The following PRDM16 variants were observed in gnomAD, a reference collection of about 807,000 sequenced individuals.
The protein encoded by PRDM16 is histone-lysine N-methyltransferase PRDM16.
A neutral mutation model predicts 110.6 loss-of-function variants in PRDM16; 23 were observed. That is an observed-to-expected ratio of 0.21 (90% confidence interval 0.15 to 0.29). The LOEUF (loss-of-function observed/expected upper bound fraction) is 0.29, where lower values mean the gene tolerates loss of function less well. Ranked by LOEUF, PRDM16 falls within the 10% of genes least tolerant of loss-of-function variation. The pLI, the probability that PRDM16 is intolerant of heterozygous loss-of-function variation, is 1.00. For missense variants in PRDM16, 1,615 were observed against 1,794.3 expected (o/e 0.90, Z 1.81); for synonymous variants, 799 against 781.8 (o/e 1.02, Z -0.37).
At chr1:3,087,778 T>A (rs1267279414) in intron 1 of PRDM16, among the ~76,000 whole-genome samples, 2 of 152,096 alleles carry the variant, frequency 1.3e-5, no homozygotes, top group Non-Finnish European at 2.9e-5. Context: ...TGTTTCCATT[T>A]TTACTCTTCT....
chr1:3,368,655 C>T (rs1465709987), intron 3 of PRDM16, among the ~76,000 whole-genome samples: 4 of 152,158 alleles, frequency 2.6e-5, no homozygotes, highest in Non-Finnish European at 5.9e-5. Context: ...GGGACCCACC[C>T]GTAAACCGTG....
At chr1:3,251,063 C>T (rs1639918432) in intron 3 of PRDM16, among the ~76,000 whole-genome samples, 1 of 152,216 alleles carries the variant, frequency 6.6e-6, no homozygotes, top group African/African-American at 2.4e-5. Flanking sequence ...GGAGACGAAA[C>T]ATCACAAATT....
chr1:3,199,080 C>T (rs566768974), intron 2 of PRDM16, among the ~76,000 whole-genome samples: 14 of 152,278 alleles, frequency 9.2e-5, no homozygotes, highest in Admixed American at 7.8e-4. Context: ...TATCAGCCTT[C>T]GTTTCAGCCC....
chr1:3,100,612 A>C (rs1642508810), intron 1 of PRDM16, among the ~76,000 whole-genome samples: 1 of 152,132 alleles, frequency 6.6e-6, no homozygotes, highest in African/African-American at 2.4e-5. Context: ...AAGCACCCCC[A>C]GTTCCCGAGG....
At chr1:3,354,091 C>T (rs1341791156) in intron 3 of PRDM16, among the ~76,000 whole-genome samples, 2 of 152,170 alleles carry the variant, frequency 1.3e-5, no homozygotes, top group Non-Finnish European at 2.9e-5. Context: ...AAACCTTAAG[C>T]GATTACAAAT....
chr1:3,285,848 AG>A (rs1640832913), intron 3 of PRDM16, among the ~76,000 whole-genome samples: 1 of 152,218 alleles, frequency 6.6e-6, no homozygotes, highest in Non-Finnish European at 1.5e-5. Context: ...CTCAGACCCC[AG>A]GGTAGGTGGA....
intron 12 of PRDM16, among the ~76,000 whole-genome samples, chr1:3,424,574 T>G (rs1638538330): frequency 6.6e-6 from 1 of 152,192 alleles, no homozygotes; most frequent in Non-Finnish European, 1.5e-5. Context: ...CTGCCCACCC[T>G]GGGGGAATAA....
At chr1:3,114,598 A>G (rs1340538869) in intron 1 of PRDM16, among the ~76,000 whole-genome samples, 1 of 152,030 alleles carries the variant, frequency 6.6e-6, no homozygotes, top group East Asian at 1.9e-4. Context: ...ACACACGTGC[A>G]CATGCACACA....
At chr1:3,126,541 G>A (rs1643212965) in intron 1 of PRDM16, among the ~76,000 whole-genome samples, 1 of 152,192 alleles carries the variant, frequency 6.6e-6, no homozygotes. Context: ...GGAATCCCTA[G>A]ATGAGCTTTG....
At chr1:3,394,462 AC>A in intron 4 of PRDM16, 1 of 321,010 alleles carries the variant, frequency 3.1e-6, no homozygotes, top group South Asian at 2.0e-5. Flanking sequence ...TCACGTCAGG[AC>A]CCTCGACGGG....
At chr1:3,104,399 C>T (rs1052291054) in intron 1 of PRDM16, among the ~76,000 whole-genome samples, 1 of 152,216 alleles carries the variant, frequency 6.6e-6, no homozygotes, top group Non-Finnish European at 1.5e-5. Flanking sequence ...TGCACAGGGC[C>T]TTGCTGTTCT....
intron 1 of PRDM16, among the ~76,000 whole-genome samples, chr1:3,091,605 G>C (rs1414907499): frequency 1.3e-5 from 2 of 152,204 alleles, no homozygotes; most frequent in Non-Finnish European, 2.9e-5. Flanking sequence ...TGCTGCGGAG[G>C]GCACCTCTGC....
chr1:3,145,715 G>A (rs1236686137), intron 1 of PRDM16, among the ~76,000 whole-genome samples: 1 of 152,208 alleles, frequency 6.6e-6, no homozygotes, highest in African/African-American at 2.4e-5. Flanking sequence ...TTCCACCCCT[G>A]TAGAAAGCGC....
intron 1 of PRDM16, among the ~76,000 whole-genome samples, chr1:3,185,447 G>A (rs1191535288): frequency 1.3e-5 from 2 of 152,154 alleles, no homozygotes; most frequent in Non-Finnish European, 2.9e-5. Context: ...TGTCCAGGCT[G>A]TGGCCTAAGT....
intron 4 of PRDM16, among the ~76,000 whole-genome samples, chr1:3,392,597 C>T (rs903995124): frequency 2.0e-5 from 3 of 152,184 alleles, no homozygotes; most frequent in Non-Finnish European, 2.9e-5. Context: ...ATTCGAAAGT[C>T]GTCTCTTTTC....
chr1:3,162,515 C>T (rs997055034), intron 1 of PRDM16, among the ~76,000 whole-genome samples: 14 of 152,100 alleles, frequency 9.2e-5, no homozygotes, highest in African/African-American at 3.4e-4. Flanking sequence ...CGGCTGAGGT[C>T]GCAGGCCCAC....
intron 4 of PRDM16, among the ~76,000 whole-genome samples, chr1:3,388,982 G>T (rs538997407): frequency 2.0e-5 from 3 of 152,322 alleles, no homozygotes; most frequent in South Asian, 4.1e-4. Flanking sequence ...GAGCTGGGCA[G>T]TGCAGCACCC....
In PRDM16 at chr1:3,201,796, G is replaced by A. The variant is rs1638634687; in HGVS notation, c.387+15322G>A. On this transcript the variant is annotated intron_variant, in intron 2 of 16. Transcript: ENST00000270722. This position sits in a 1 kb window ranked among gnomAD's most constrained non-coding sequence, Gnocchi z 4.1. ...GCGAGCCCTCTCCCACCTGGCCTCT[G>A]TTTCTACCTCGGGTTGGTGTCTCCC... 6.6e-6 allele frequency among the ~76,000 whole-genome samples: 1 copy of A among 152,236 alleles called. No homozygotes were observed. The highest frequency in any genetic ancestry group is 6.5e-5 in the Admixed American group (1 of 15,294).
In PRDM16 at chr1:3,430,934, A is replaced by G; in HGVS notation, c.3347A>G (p.Glu1116Gly). Reference sequence around the variant, plus strand: ...CCAGGCCTAGCCAGTGAGAAGCAGGAGGACGTGGAGGAGGAGGACGACGAT... The same window carrying G: ...CCAGGCCTAGCCAGTGAGAAGCAGGGGGACGTGGAGGAGGAGGACGACGAT... ...QCPGLASEKQ[E>G]DVEEEDDDDL... Residue 1116 changes from glutamate to glycine, a missense_variant, in exon 15 of 17, where the codon GAG becomes GGG. Coordinates refer to ENST00000270722, the MANE Select transcript of PRDM16 (RefSeq NM_022114.4). 2 of 1,614,124 alleles carry G rather than the reference A, an allele frequency of 1.2e-6. No homozygotes were observed. The highest frequency in any genetic ancestry group is 2.7e-5 in the African/African-American group (2 of 75,072).
Sources: gnomAD v4.1 joint callset for allele counts (sites outside exome capture counted in the v4.1 genomes callset) on GRCh38, gnomAD v4.1.1 for gene constraint, Gnocchi (gnomAD v3.1) non-coding constraint, MANE v1.5 for transcripts, NCBI Gene and HGNC (gene_info 2026-07-23, HGNC 2026-07-21) for gene names.